KIF7: variants seen among roughly 807,000 people sequenced by gnomAD.
KIF7 encodes the protein kinesin-like protein KIF7.
A neutral mutation model predicts 135.7 loss-of-function variants in KIF7; 104 were observed. That is an observed-to-expected ratio of 0.77 (90% CI 0.65 to 0.90). KIF7 has a LOEUF of 0.90. Ranked by LOEUF, KIF7 falls within the 40% of genes least tolerant of loss-of-function variation. The pLI is 0.00. For missense variants in KIF7, 2,005 were observed against 1,839.1 expected, an observed-to-expected ratio of 1.09 and a Z score of -1.65; for synonymous variants, 883 against 809.4, an observed-to-expected ratio of 1.09 and a Z score of -1.54.
At chr15:89,651,157 T>A (rs766073585) in intron 2 of KIF7, among the ~76,000 whole-genome samples, 1 of 152,154 alleles carries the variant, frequency 6.6e-6, no homozygotes, top group African/African-American at 2.4e-5. Flanking sequence ...TGGAGTGCGG[T>A]GGCCAGATCT....
intron 11 of KIF7, 85 bp from the exon 12 acceptor site, chr15:89,633,968 G>A (rs967161901): frequency 6.9e-7 from 1 of 1,453,546 alleles, no homozygotes; most frequent in Non-Finnish European, 9.6e-7. Flanking sequence ...AGGGCAGGCA[G>A]ATAGAGGGCA....
In KIF7 at chr15:89,649,486, A is replaced by G. The variant is rs1379014901; in HGVS notation, c.530-119T>C. 1.0e-5 allele frequency: 12 copies of G among 1,196,486 alleles called. No individual in the cohort carries two copies. The East Asian group carries it at 2.1e-4, about 21-fold the overall frequency. The allele number at this position is 1,196,486 out of a possible 1,614,324, so 74.1% of individuals were successfully genotyped here. Reference sequence around the variant, plus strand: ...CTTCCTGACCCACTGCTCCCTCCCCATGCCCACGGGGTACTGCCCTTCCTA... The same window carrying G: ...CTTCCTGACCCACTGCTCCCTCCCCGTGCCCACGGGGTACTGCCCTTCCTA... On this transcript the variant is annotated intron_variant, in intron 3 of 18. Coordinates refer to ENST00000394412, the MANE Select transcript of KIF7 (RefSeq NM_198525.3).
downstream of KIF7, chr15:89,625,004 T>C (rs1431560674): frequency 2.5e-6 from 4 of 1,613,932 alleles, no homozygotes; most frequent in Admixed American, 3.3e-5. Context: ...GAGCTGGAGA[T>C]GCAAGCTTCT....
intron 11 of KIF7, among the ~76,000 whole-genome samples, chr15:89,636,953 A>G (rs1963821356): frequency 8.0e-6 from 1 of 124,638 alleles, no homozygotes. Flanking sequence ...AGCAAATGTA[A>G]AAGAACAGAA....
At position 89,631,485 on chromosome 15, in the gene KIF7, C is replaced by T. The variant is rs1451920359; in HGVS notation, c.3111+10G>A. The T allele has an allele frequency of 2.0e-5, 32 of 1,561,012 alleles. No individual in the cohort carries two copies. The highest frequency in any genetic ancestry group is 7.5e-5 in the Admixed American group (4 of 53,632). ...GCACCAAGGGGCTGAGCCATGGGGC[C>T]GCAGGGTACCTCGGGGGACAGCAGA... On this transcript the variant is annotated intron_variant, in intron 15 of 18. Coordinates refer to ENST00000394412, the MANE Select transcript of KIF7 (RefSeq NM_198525.3).
At position 89,648,364 on chromosome 15, in the gene KIF7, C is replaced by A. The variant is rs1964055139; in HGVS notation, c.1334G>T (p.Cys445Phe). Residue 445 changes from cysteine (C) to phenylalanine (F), a missense_variant, in exon 5 of 19, where the codon TGC (cysteine) becomes TTC (phenylalanine). Physicochemically the swap from Cys to Phe is radical, Grantham distance 205. Coordinates refer to ENST00000394412, the MANE Select transcript of KIF7 (RefSeq NM_198525.3). ...GGCGCTGCGCTCGCCCTCGACGGCG[C>A]ACAGCCAGTCGCGCACCTTGCGGGC... ...AAARKVRDWL[C>F]AVEGERSALS... 2 of 1,385,628 alleles carry A rather than the reference C, an allele frequency of 1.4e-6. No individual in the cohort carries two copies. The highest frequency in any genetic ancestry group is 1.9e-6 in the Non-Finnish European group (2 of 1,066,604). The allele number at this position is 1,385,628 out of a possible 1,614,324, so 85.8% of individuals were successfully genotyped here.
chr15:89,643,453 G>T (rs950021979), intron 10 of KIF7, among the ~76,000 whole-genome samples: 1 of 152,092 alleles, frequency 6.6e-6, no homozygotes, highest in Non-Finnish European at 1.5e-5. Context: ...GCATTCACGG[G>T]GTCCTGGAAC....
At position 89,629,586 on chromosome 15, in the gene KIF7, C is replaced by A. The variant is rs371154050; in HGVS notation, c.3319-13G>T. On this transcript the variant is annotated splice_polypyrimidine_tract_variant and intron_variant, in intron 16 of 18. Coordinates refer to ENST00000394412, the MANE Select transcript of KIF7 (RefSeq NM_198525.3). ...GGAGCGTCACCACCTGTCCCAAGACCCAGCCAGGCTCAGCCCTCATCATGA... is the reference window on the plus strand; with the variant it reads ...GGAGCGTCACCACCTGTCCCAAGACACAGCCAGGCTCAGCCCTCATCATGA... 1.2e-6 allele frequency: 2 copies of A among 1,603,538 alleles called. No homozygotes were observed. The highest frequency in any genetic ancestry group is 2.7e-5 in the African/African-American group (2 of 74,930).
Position 89,644,377 on chromosome 15 carries a change from G to A in KIF7, c.2191+636C>T, listed in dbSNP as rs149337211. On this transcript the variant is annotated intron_variant, in intron 10 of 18. Transcript: ENST00000394412. The stretch of plus-strand genomic sequence containing the variant: ...AATGGCTGAAACATTGCAGGCACTC[G>A]ATAAGTAAGAAGAAGTGCCGGGCAT... 4.4e-4 allele frequency among the ~76,000 whole-genome samples: 67 copies of A among 152,176 alleles called. No individual in the cohort carries two copies. The South Asian group carries it at 8.3e-3, about 19-fold the overall frequency.
chr15:89,632,852 C>T lies in KIF7; in HGVS notation c.2863G>A (p.Gly955Arg). The change falls in exon 14 of 19, where the codon GGG becomes AGG. Residue 955 changes from glycine to arginine, a missense_variant. Physicochemically the swap from Gly to Arg is moderately radical, Grantham distance 125. Transcript: ENST00000394412. ...KKEALMQEKT[G>R]LESKRLRSSQ... is the part of the protein sequence containing the mutation. Reference sequence around the variant, plus strand: ...GATCTCAGGCGCTTGCTCTCCAGCCCCGTCTTCTCCTGCATCAGGGCCTCC... The same window carrying T: ...GATCTCAGGCGCTTGCTCTCCAGCCTCGTCTTCTCCTGCATCAGGGCCTCC... 1 of 1,608,820 alleles carries T rather than the reference C, an allele frequency of 6.2e-7. No homozygotes were observed.
intron 11 of KIF7, among the ~76,000 whole-genome samples, chr15:89,641,931 C>T (rs1337272955): frequency 2.0e-5 from 3 of 152,112 alleles, no homozygotes; most frequent in South Asian, 4.1e-4. Flanking sequence ...GAGGACTGCA[C>T]GCTGCAGGGT....
At position 89,632,788 on chromosome 15, in the gene KIF7, ACCTGGCAGGATCTCT is replaced by A. The variant is rs371062109; in HGVS notation, c.2895+17_2895+31del. The A allele has an allele frequency of 6.3e-5, 100 of 1,591,278 alleles. No individual in the cohort carries two copies. Among genetic ancestry groups the A allele is most frequent in the African/African-American group, 3.3e-4 (25 of 74,748 alleles). On this transcript the variant is annotated intron_variant, in intron 14 of 18. Transcript: ENST00000394412. ...GCTGGACCTCACTTCACTGGACCTC[ACCTGGCAGGATCTCT>A]CCTGGCAGGGCCTCACCTGGCTGGA...
downstream of KIF7, chr15:89,623,986 C>T: frequency 6.2e-7 from 1 of 1,613,974 alleles, no homozygotes; most frequent in Non-Finnish European, 8.5e-7. Flanking sequence ...CCCCTCCTGT[C>T]CAGCCCCTCC....
At chr15:89,626,954 A>G (rs769397667), downstream of KIF7, 1 of 1,613,800 alleles carries the variant, frequency 6.2e-7, no homozygotes, top group Non-Finnish European at 8.5e-7. Context: ...ACCTTCTTCT[A>G]GATGAGGATG....
In KIF7 at chr15:89,631,629, G is replaced by A. The variant is rs572668573; in HGVS notation, c.2977C>T (p.Arg993Trp). Residue 993 changes from arginine to tryptophan, a missense_variant, in exon 15 of 19, where the codon CGG becomes TGG. Coordinates refer to ENST00000394412, the MANE Select transcript of KIF7 (RefSeq NM_198525.3). ...TGCTGGCTCTGGGCGCTGCCCTGCCGCAGCTGCCCGCTCTTCTCGGACAGC... is the reference window on the plus strand; with the variant it reads ...TGCTGGCTCTGGGCGCTGCCCTGCCACAGCTGCCCGCTCTTCTCGGACAGC... ...KELSEKSGQLRQGSAQSQQQI... is the reference protein window; with the variant it reads ...KELSEKSGQLWQGSAQSQQQI... The A allele has an allele frequency of 1.8e-5, 28 of 1,561,704 alleles. No homozygotes were observed. Among genetic ancestry groups the A allele is most frequent in the African/African-American group, 9.5e-5 (7 of 73,554 alleles).
upstream of KIF7, among the ~76,000 whole-genome samples, chr15:89,658,088 G>A (rs938446836): frequency 6.6e-6 from 1 of 152,202 alleles, no homozygotes; most frequent in African/African-American, 2.4e-5. Context: ...TCAGATATCA[G>A]TAAATGAGAA....
chr15:89,626,215 A>G (rs373712052), downstream of KIF7, among the ~76,000 whole-genome samples: 14 of 152,314 alleles, frequency 9.2e-5, no homozygotes, highest in African/African-American at 3.4e-4. Context: ...CCCTTCCCAG[A>G]GAAACTCCAC....
At chr15:89,647,083 G>C in intron 6 of KIF7, 26 bp from the exon 7 acceptor site, 1 of 1,549,792 alleles carries the variant, frequency 6.5e-7, no homozygotes, top group Non-Finnish European at 8.7e-7. Context: ...CAGGTGCCAA[G>C]GGGGCATGAA....
rs139091869 is a variant in KIF7, at chr15:89,640,575, A to G, written c.2394+1628T>C. On this transcript the variant is annotated intron_variant, in intron 11 of 18. Coordinates refer to ENST00000394412, the MANE Select transcript of KIF7 (RefSeq NM_198525.3). ...CCCATGCTCTCAACCACTCCACGAT[A>G]TTGTCTCTTGGACATTTGAACTGAG... Among the ~76,000 whole-genome samples, 999 of 151,976 alleles carry G rather than the reference A, an allele frequency of 6.6e-3. 5 individuals are homozygous for G. Among genetic ancestry groups the G allele is most frequent in the Non-Finnish European group, 0.011 (731 of 67,964 alleles).
Sources: allele counts gnomAD v4.1 joint callset (sites outside exome capture counted in the v4.1 genomes callset), GRCh38; gene constraint gnomAD v4.1.1; transcripts MANE v1.5; gene names NCBI Gene and HGNC (gene_info 2026-07-23, HGNC 2026-07-21).